ZNF512: variants seen among roughly 807,000 people sequenced by gnomAD.
ZNF512 encodes zinc finger protein 512.
Under a neutral mutation model 77.5 loss-of-function variants are expected in ZNF512, and 25 were observed. The observed-to-expected ratio is 0.32, with a 90% CI of 0.23 to 0.45. The LOEUF (loss-of-function observed/expected upper bound fraction) is 0.45, where lower values mean the gene tolerates loss of function less well. ZNF512 is among the 20% of genes least tolerant of loss of function. The probability of loss-of-function intolerance (pLI) is 1.00; values close to 1 mark genes in which losing one functional copy is unlikely to be tolerated. For synonymous variants in ZNF512, 246 were observed against 239.9 expected, an observed-to-expected ratio of 1.03 and a Z score of -0.24; for missense variants, 483 against 692.6, an observed-to-expected ratio of 0.70 and a Z score of 3.40.
At chr2:27,616,161 T>G (rs932500582) in intron 11 of ZNF512, 101 bp from the exon 12 acceptor site, 2 of 793,822 alleles carry the variant, frequency 2.5e-6, no homozygotes, top group African/African-American at 1.7e-5. Context: ...AATTATTGGT[T>G]TTCTTCCTTC....
At chr2:27,616,468 C>A in intron 12 of ZNF512, 144 bp downstream of exon 12, 1 of 658,678 alleles carries the variant, frequency 1.5e-6, no homozygotes, top group African/African-American at 1.8e-5. Flanking sequence ...CTCTAAGATT[C>A]TTGGTCTGGT....
chr2:27,590,828 T>A (rs1671535720), intron 2 of ZNF512, among the ~76,000 whole-genome samples: 1 of 152,156 alleles, frequency 6.6e-6, no homozygotes, highest in Admixed American at 6.5e-5. Flanking sequence ...GTTTACCATT[T>A]CTGTTGCTCT....
At chr2:27,615,626 G>A (rs966780199) in intron 11 of ZNF512, among the ~76,000 whole-genome samples, 2 of 152,168 alleles carry the variant, frequency 1.3e-5, no homozygotes, top group Non-Finnish European at 2.9e-5. Flanking sequence ...TGACTTCTCA[G>A]GGAATATTTT....
chr2:27,599,626 G>A lies in ZNF512; in HGVS notation c.321G>A (p.Gln107=), dbSNP rs370685691. 7 of 1,614,106 alleles carry A rather than the reference G, an allele frequency of 4.3e-6. No homozygotes were observed. In the African/African-American group the frequency reaches 6.7e-5, roughly 15 times the overall value. Reference sequence around the variant, plus strand: ...CCAAGGGGAAAAGGAAACCCAGGCAGGAAGAAGATGAAGACTATCGAGAAT... The same window carrying A: ...CCAAGGGGAAAAGGAAACCCAGGCAAGAAGAAGATGAAGACTATCGAGAAT... The part of the protein sequence containing the change: ...VSAKGKRKPR[Q]EEDEDYREFP... Residue 107 remains glutamine, a synonymous_variant, in exon 4 of 14, where the codon CAG becomes CAA. Transcript: ENST00000355467.
Position 27,621,517 on chromosome 2 carries a change from A to G in ZNF512, c.*56A>G. The G allele has an allele frequency of 6.6e-7, 1 of 1,522,582 alleles. No individual in the cohort carries two copies. Among genetic ancestry groups the G allele is most frequent in the Non-Finnish European group, 8.8e-7 (1 of 1,137,832 alleles). 94.3% of individuals were successfully genotyped at this position (1,522,582 alleles called of 1,614,324 possible). A position where few individuals can be genotyped will look rare whatever the true frequency, so the allele number is the denominator to read the frequency against. On this transcript the variant is annotated 3_prime_UTR_variant, in exon 14 of 14. Transcript: ENST00000355467. ...CAGATGTGATGCTGTTGTCACGGGG[A>G]CCTGTGCTGGGAGGACTGAGTGAAG...
intron 6 of ZNF512, 54 bp downstream of exon 6, chr2:27,600,869 A>T: frequency 6.3e-7 from 1 of 1,589,708 alleles, no homozygotes. Context: ...CAAACTTTAG[A>T]CTTCTTTTGC....
At chr2:27,602,664 C>A in intron 8 of ZNF512, 103 bp downstream of exon 8, 2 of 932,830 alleles carry the variant, frequency 2.1e-6, no homozygotes, top group Non-Finnish European at 3.1e-6. Context: ...CTTCCTAGTT[C>A]TGTACTATCT....
At position 27,608,125 on chromosome 2, in the gene ZNF512, A is replaced by G. The variant is rs141658715; in HGVS notation, c.1131+86A>G. ...ACAGAGAAGTAAATGCACTTGAGGAAGTACGTGATAGGCAGTATTTTGTTT... is the reference window on the plus strand; with the variant it reads ...ACAGAGAAGTAAATGCACTTGAGGAGGTACGTGATAGGCAGTATTTTGTTT... On this transcript the variant is annotated intron_variant, in intron 10 of 13. Transcript: ENST00000355467. 5.1e-5 allele frequency: 61 copies of G among 1,200,346 alleles called. No individual in the cohort carries two copies. The African/African-American group carries it at 8.9e-4, about 18-fold the overall frequency. The allele number at this position is 1,200,346 out of a possible 1,614,324, so 74.4% of individuals were successfully genotyped here. A position where few individuals can be genotyped will look rare whatever the true frequency, so the allele number is the denominator to read the frequency against.
intron 10 of ZNF512, among the ~76,000 whole-genome samples, chr2:27,611,541 A>C (rs1337588540): frequency 3.3e-5 from 5 of 152,122 alleles, no homozygotes. Flanking sequence ...TCAGTTGCTT[A>C]GGGTGTGTTT....
chr2:27,622,497 TCTCTC>T lies in ZNF512; in HGVS notation c.*1041_*1045del, dbSNP rs1262390848. 6.5e-6 allele frequency: 1 copy of T among 152,814 alleles called. No individual in the cohort carries two copies. The allele number at this position is 152,814 out of a possible 1,614,324, so 9.5% of individuals were successfully genotyped here. ...TCCTATCCTCTTTTATATATGGAGT[TCTCTC>T]CTCTTTATATCCTGAGACTTTGACA... On this transcript the variant is annotated 3_prime_UTR_variant, in exon 14 of 14. Coordinates refer to ENST00000355467, the MANE Select transcript of ZNF512 (RefSeq NM_032434.4).
At chr2:27,618,449 T>C (rs1163038778) in intron 13 of ZNF512, among the ~76,000 whole-genome samples, 1 of 152,216 alleles carries the variant, frequency 6.6e-6, no homozygotes, top group Non-Finnish European at 1.5e-5. Context: ...TATTAAATAA[T>C]AGTATTGTGT....
At position 27,601,297 on chromosome 2, in the gene ZNF512, T is replaced by C. The variant is rs1672104251; in HGVS notation, c.583-59T>C. The C allele has an allele frequency of 8.5e-6, 11 of 1,291,024 alleles. 1 individual carries two copies. In the South Asian group the frequency reaches 1.4e-4, roughly 17 times the overall value. 80.0% of individuals were successfully genotyped at this position (1,291,024 alleles called of 1,614,324 possible). Reference sequence around the variant, plus strand: ...TAGATGAAAGCATTTGAGTCGGACTTCATGACATTCTGTTTCTCTGTGGAA... The same window carrying C: ...TAGATGAAAGCATTTGAGTCGGACTCCATGACATTCTGTTTCTCTGTGGAA... On this transcript the variant is annotated intron_variant, in intron 6 of 13. Transcript: ENST00000355467.
chr2:27,611,852 C>G (rs1672680588), intron 10 of ZNF512, among the ~76,000 whole-genome samples: 1 of 152,046 alleles, frequency 6.6e-6, no homozygotes, highest in African/African-American at 2.4e-5. Flanking sequence ...TGTGCACCAC[C>G]ACGCCCGGCT....
chr2:27,589,300 C>T (rs761839000), intron 2 of ZNF512, among the ~76,000 whole-genome samples: 5 of 152,094 alleles, frequency 3.3e-5, no homozygotes, highest in Non-Finnish European at 7.4e-5. Context: ...TATAGGGCTA[C>T]TTAGATTTCC....
intron 2 of ZNF512, among the ~76,000 whole-genome samples, chr2:27,592,643 A>C (rs13022873): frequency 0.31 from 39,146 of 126,332 alleles, 5,900 homozygotes; most frequent in East Asian, 0.5. Flanking sequence ...GTTAAAGTAT[A>C]CCCATATAAT....
Position 27,602,453 on chromosome 2 carries a change from T to G in ZNF512, c.670-10T>G, listed in dbSNP as rs768463552. 14 of 1,610,376 alleles carry G rather than the reference T, an allele frequency of 8.7e-6. No homozygotes were observed. In the African/African-American group the frequency reaches 1.2e-4, roughly 14 times the overall value. ...GAATCATCTTCTTGTTTACTTCTCT[T>G]GATTTCTAGCCCATTTTGAAAGCCG... On this transcript the variant is annotated splice_polypyrimidine_tract_variant and intron_variant, in intron 7 of 13. Transcript: ENST00000355467.
chr2:27,588,640 G>GA (rs753631532), intron 2 of ZNF512, among the ~76,000 whole-genome samples: 2 of 152,038 alleles, frequency 1.3e-5, no homozygotes, highest in Non-Finnish European at 2.9e-5. Context: ...TTAGACTCTT[G>GA]AAATCAGTAA....
chr2:27,610,542 G>GTATATATATATATATATATATA (rs1558474726), intron 10 of ZNF512, among the ~76,000 whole-genome samples: 3 of 42,016 alleles, frequency 7.1e-5, no homozygotes, highest in African/African-American at 4.0e-4. Flanking sequence ...ATATATGTGT[G>GTATATATATATATATATATATA]TGTATATATA....
At chr2:27,620,516 A>G (rs1673069853) in intron 13 of ZNF512, among the ~76,000 whole-genome samples, 1 of 152,156 alleles carries the variant, frequency 6.6e-6, no homozygotes, top group Non-Finnish European at 1.5e-5. Flanking sequence ...TTTGAGGTAC[A>G]GGGACCACTG....
Sources: gnomAD v4.1 joint callset for allele counts (sites outside exome capture counted in the v4.1 genomes callset) on GRCh38, gnomAD v4.1.1 for gene constraint, MANE v1.5 for transcripts, NCBI Gene and HGNC (gene_info 2026-07-23, HGNC 2026-07-21) for gene names.